Variants in PLA2G6 observed in about 807,000 individuals in gnomAD.
PLA2G6 encodes the protein 85/88 kDa calcium-independent phospholipase A2.
In PLA2G6, 62 loss-of-function variants were observed where a neutral mutation model predicts 83.8. That is an observed-to-expected ratio of 0.74 (90% confidence interval 0.60 to 0.91). PLA2G6 has a LOEUF of 0.91. Ranked by LOEUF, PLA2G6 falls within the 40% of genes least tolerant of loss-of-function variation. PLA2G6 has a pLI of 0.00. For synonymous variants in PLA2G6, 417 were observed against 449.8 expected, an observed-to-expected ratio of 0.93 and a Z score of 0.92; for missense variants, 944 against 1,102.0, an observed-to-expected ratio of 0.86 and a Z score of 2.03.
chr22:38,130,989 G>C (rs549929837), intron 7 of PLA2G6: 1 of 152,196 alleles, frequency 6.6e-6, no homozygotes, highest in African/African-American at 2.4e-5. Context: ...CAACAAAAGC[G>C]AAACTCTGTC....
intron 5 of PLA2G6, chr22:38,137,515 G>C (rs2088630133): frequency 6.6e-6 from 1 of 152,238 alleles, no homozygotes; most frequent in South Asian, 2.1e-4. Context: ...ACCGAGCTTT[G>C]TGGGAAAGGT....
At chr22:38,139,415 T>TTA (rs773858903) in intron 5 of PLA2G6, 3 of 147,342 alleles carry the variant, frequency 2.0e-5, no homozygotes, top group African/African-American at 7.5e-5. Context: ...ATAAATTTAT[T>TTA]TTTATTTATT....
chr22:38,113,543 C>T lies in PLA2G6; in HGVS notation c.2146G>A (p.Glu716Lys). The change falls in exon 15 of 17, where the codon GAG becomes AAG. Residue 716 changes from glutamate (E) to lysine (K), a missense_variant. Transcript: ENST00000332509. ...GCCCCAAAAACAGTCTTGGCCAGCTCCCAGGGGTTGCTGGGACGGAAGACA... is the reference window on the plus strand; with the variant it reads ...GCCCCAAAAACAGTCTTGGCCAGCTTCCAGGGGTTGCTGGGACGGAAGACA... ...VDVFRPSNPW[E>K]LAKTVFGAKE... 3 of 1,614,052 alleles carry T rather than the reference C, an allele frequency of 1.9e-6. No individual in the cohort carries two copies. Among genetic ancestry groups the T allele is most frequent in the Non-Finnish European group, 2.5e-6 (3 of 1,180,010 alleles).
intron 12 of PLA2G6, 131 bp from the exon 13 acceptor site, chr22:38,116,342 T>C: frequency 1.0e-6 from 1 of 999,958 alleles, no homozygotes; most frequent in Non-Finnish European, 1.6e-6. Flanking sequence ...TAGGTGGGCT[T>C]CTCCCCGCAC....
In PLA2G6 at chr22:38,123,021, C is replaced by G; in HGVS notation, c.1591+74G>C. The G allele has an allele frequency of 7.0e-7, 1 of 1,422,724 alleles. No individual in the cohort carries two copies. Among genetic ancestry groups the G allele is most frequent in the Admixed American group, 2.0e-5 (1 of 50,720 alleles). The allele number at this position is 1,422,724 out of a possible 1,614,324, so 88.1% of individuals were successfully genotyped here. On this transcript the variant is annotated intron_variant, in intron 11 of 16. Transcript: ENST00000332509. The surrounding 1 kb of genome is among the most constrained non-coding windows in gnomAD (Gnocchi z 4.1). ...TCCTCCACTCTCTTTTTGCAAAGCC[C>G]TGAAGACAAACTCGGCCCCTTGAGG... is the stretch of plus-strand genomic sequence containing the variant.
At chr22:38,159,809 C>A (rs112407010) in intron 2 of PLA2G6, among the ~76,000 whole-genome samples, 6 of 151,442 alleles carry the variant, frequency 4.0e-5, no homozygotes, top group Non-Finnish European at 8.8e-5. Flanking sequence ...GAATGCTTCT[C>A]AAAGCTTTAA....
intron 2 of PLA2G6, among the ~76,000 whole-genome samples, chr22:38,168,569 G>T (rs145314781): frequency 4.6e-5 from 7 of 152,198 alleles, no homozygotes; most frequent in Non-Finnish European, 8.8e-5. Flanking sequence ...CCAGGGCTAG[G>T]CCAGGTGCAG....
intron 2 of PLA2G6, among the ~76,000 whole-genome samples, chr22:38,156,102 G>C (rs1264467102): frequency 6.6e-6 from 1 of 152,184 alleles, no homozygotes; most frequent in Non-Finnish European, 1.5e-5. Context: ...TTATATAAAA[G>C]GGTCAATTCA....
In PLA2G6 at chr22:38,128,494, G is replaced by C. The variant is rs1355740614; in HGVS notation, c.1187-64C>G. The C allele has an allele frequency of 1.9e-6, 3 of 1,563,448 alleles. No individual in the cohort carries two copies. The highest frequency in any genetic ancestry group is 1.7e-5 in the Admixed American group (1 of 58,684). On this transcript the variant is annotated intron_variant, in intron 8 of 16. Transcript: ENST00000332509. This position sits in a 1 kb window ranked among gnomAD's most constrained non-coding sequence, Gnocchi z 4.4. The stretch of plus-strand genomic sequence containing the variant: ...AGAAATGATGTCAACATGCAAAGGA[G>C]AGGCCCCTCCTTTCCACACTCCGTC...
intron 10 of PLA2G6, 56 bp downstream of exon 10, chr22:38,126,315 G>T: frequency 7.5e-7 from 1 of 1,333,962 alleles, no homozygotes; most frequent in South Asian, 1.2e-5. Flanking sequence ...GGGGGTGGGT[G>T]AGGGGCAGGA....
In PLA2G6 at chr22:38,176,753, C is replaced by T. The variant is rs148760955; in HGVS notation, c.-46+4911G>A. Among the ~76,000 whole-genome samples the T allele has an allele frequency of 3.0e-3, 456 of 152,198 alleles. 3 individuals carry two copies. The highest frequency in any genetic ancestry group is 0.01 in the African/African-American group (430 of 41,520). On this transcript the variant is annotated intron_variant, in intron 1 of 16. Transcript: ENST00000332509. ...CAAGCTCACAAAGAAACAGGGAAGG[C>T]GCAGCCGGGCGCGGTGGCTCACACC...
At chr22:38,114,983 T>C (rs571985029) in intron 14 of PLA2G6, among the ~76,000 whole-genome samples, 1 of 152,254 alleles carries the variant, frequency 6.6e-6, no homozygotes, top group East Asian at 1.9e-4. Context: ...TCCCCTAGCA[T>C]GCTGGGTCCT....
At position 38,115,608 on chromosome 22, in the gene PLA2G6, C is replaced by G. The variant is rs1241027436; in HGVS notation, c.1953G>C (p.Leu651=). 1 of 1,612,326 alleles carries G rather than the reference C, an allele frequency of 6.2e-7. No individual in the cohort carries two copies. The highest frequency in any genetic ancestry group is 8.5e-7 in the Non-Finnish European group (1 of 1,179,596). The part of the protein sequence containing the change: ...PTYFRPNGRF[L]DGGLLANNPT... ...GGTTGTTGGCCAGCAGCCCACCGTC[C>G]AGGAAGCGCCCATTGGGTCGGAAGT... The change falls in exon 14 of 17, where the codon CTG becomes CTC. Residue 651 remains leucine, a synonymous_variant. Coordinates refer to ENST00000332509, the MANE Select transcript of PLA2G6 (RefSeq NM_003560.4).
intron 2 of PLA2G6, chr22:38,150,522 T>C (rs1307434731): frequency 6.6e-6 from 1 of 152,200 alleles, no homozygotes; most frequent in Non-Finnish European, 1.5e-5. Flanking sequence ...AATAAATGAT[T>C]CCTTTTATAA....
At chr22:38,148,356 A>G in intron 2 of PLA2G6, 1 of 602,210 alleles carries the variant, frequency 1.7e-6, no homozygotes, top group South Asian at 1.9e-5. Flanking sequence ...CTCTCTCAGA[A>G]CTTCCACTTT....
chr22:38,151,194 G>C (rs770930505), intron 2 of PLA2G6, among the ~76,000 whole-genome samples: 4 of 150,452 alleles, frequency 2.7e-5, no homozygotes, highest in African/African-American at 9.8e-5. Flanking sequence ...AAAACCCAGA[G>C]ACTTTGTCAT....
At chr22:38,146,004 C>T (rs2089240232) in intron 2 of PLA2G6, 6 of 325,000 alleles carry the variant, frequency 1.8e-5, no homozygotes, top group South Asian at 1.7e-4. Context: ...TCCTGAGTAG[C>T]TGGGATTACA....
At chr22:38,115,944 T>C in intron 13 of PLA2G6, 131 bp downstream of exon 13, 1 of 1,476,084 alleles carries the variant, frequency 6.8e-7, no homozygotes, top group African/African-American at 1.4e-5. Context: ...CCTCAGCCAA[T>C]AAAGACCAGT....
Position 38,132,676 on chromosome 22 carries a change from G to C in PLA2G6, c.1077+155C>G, listed in dbSNP as rs2088289742. 1.5e-6 allele frequency: 1 copy of C among 682,276 alleles called. No homozygotes were observed. Among genetic ancestry groups the C allele is most frequent in the East Asian group, 2.7e-5 (1 of 36,448 alleles). The allele number at this position is 682,276 out of a possible 1,614,324, so 42.3% of individuals were successfully genotyped here. On this transcript the variant is annotated intron_variant, in intron 7 of 16. Transcript: ENST00000332509. This position sits in a 1 kb window ranked among gnomAD's most constrained non-coding sequence, Gnocchi z 5.0. ...GGGGGACTTGGAAGGCTTCCTGAGG[G>C]AGGAGTCAGGGTCTGAACTGAGCTT...
Sources: allele counts gnomAD v4.1 joint callset (sites outside exome capture counted in the v4.1 genomes callset), GRCh38; gene constraint gnomAD v4.1.1; non-coding constraint Gnocchi (gnomAD v3.1); transcripts MANE v1.5; gene names NCBI Gene and HGNC (gene_info 2026-07-23, HGNC 2026-07-21).